Variants in DAPK2 observed in about 807,000 individuals in gnomAD.
The protein encoded by DAPK2 is death-associated protein kinase 2.
DAPK2 carries 35 observed loss-of-function variants against 44.1 expected under a neutral mutation model. The observed-to-expected ratio is 0.79, with a 90% confidence interval of 0.61 to 1.05. The LOEUF (loss-of-function observed/expected upper bound fraction) is 1.05. Ranked by LOEUF, DAPK2 falls within the 50% of genes least tolerant of loss-of-function variation. The pLI is 0.00. For synonymous variants in DAPK2, 174 were observed against 182.6 expected (o/e 0.95, Z 0.38); for missense variants, 453 against 483.2 (o/e 0.94, Z 0.59).
intron 3 of DAPK2, among the ~76,000 whole-genome samples, chr15:63,945,283 A>G (rs2077419855): frequency 6.6e-6 from 1 of 152,184 alleles, no homozygotes; most frequent in Admixed American, 6.5e-5. Flanking sequence ...AGGTGATGCC[A>G]CTTTCCTGGG....
At chr15:63,913,289 A>G (rs2078843285) in intron 8 of DAPK2, among the ~76,000 whole-genome samples, 1 of 152,242 alleles carries the variant, frequency 6.6e-6, no homozygotes, top group South Asian at 2.1e-4. Flanking sequence ...ATGTGGTTAC[A>G]CAACCTTGTG....
chr15:63,908,303 G>A lies in DAPK2; in HGVS notation c.*217C>T. ...GAAAGCCCATTTTATGGAGAATTAAGAGCTTTGGGAATGCTGGAGCCTCCT... is the reference window on the plus strand; with the variant it reads ...GAAAGCCCATTTTATGGAGAATTAAAAGCTTTGGGAATGCTGGAGCCTCCT... On this transcript the variant is annotated 3_prime_UTR_variant, in exon 11 of 11. Transcript: ENST00000261891. The surrounding 1 kb of genome is among the most constrained non-coding windows in gnomAD (Gnocchi z 5.7). 1 of 400,134 alleles carries A rather than the reference G, an allele frequency of 2.5e-6. No homozygotes were observed. The highest frequency in any genetic ancestry group is 4.4e-6 in the Non-Finnish European group (1 of 225,384). 24.8% of individuals were successfully genotyped at this position (400,134 alleles called of 1,614,324 possible).
intron 10 of DAPK2, chr15:63,910,700 C>G (rs945162712): frequency 6.6e-6 from 1 of 152,192 alleles, no homozygotes; most frequent in Non-Finnish European, 1.5e-5. Context: ...GTCACCATAC[C>G]TGGCTAATTT....
chr15:63,963,703 C>G (rs1317461917), intron 3 of DAPK2, among the ~76,000 whole-genome samples: 7 of 151,854 alleles, frequency 4.6e-5, no homozygotes, highest in Non-Finnish European at 8.8e-5. Flanking sequence ...CTTTTTATTT[C>G]TTTATATCTC....
At chr15:63,934,350 G>C (rs936979862) in intron 4 of DAPK2, among the ~76,000 whole-genome samples, 73 of 137,914 alleles carry the variant, frequency 5.3e-4, no homozygotes, top group Middle Eastern at 5.1e-3. Context: ...TCTGCCTCCT[G>C]GGTTCAAGTG....
intron 4 of DAPK2, chr15:63,932,466 C>CAAAAAA (rs61026642): frequency 9.5e-4 from 65 of 68,158 alleles, no homozygotes; most frequent in African/African-American, 3.2e-3. Flanking sequence ...AACTCCGTCT[C>CAAAAAA]AAAAAAAAAA....
chr15:63,964,847 T>C (rs2078010281), intron 3 of DAPK2, among the ~76,000 whole-genome samples: 1 of 152,216 alleles, frequency 6.6e-6, no homozygotes, highest in Admixed American at 6.5e-5. Context: ...CTGAATTCCT[T>C]CTCTGTGTTA....
At chr15:64,045,987 G>A (rs1327904931) in intron 1 of DAPK2, among the ~76,000 whole-genome samples, 1 of 152,224 alleles carries the variant, frequency 6.6e-6, no homozygotes, top group Admixed American at 6.5e-5. Context: ...GTTCCAGGGG[G>A]CCTAACTCGA....
intron 1 of DAPK2, among the ~76,000 whole-genome samples, chr15:64,024,154 G>A (rs893920908): frequency 3.9e-5 from 6 of 152,178 alleles, no homozygotes; most frequent in Non-Finnish European, 7.4e-5. Flanking sequence ...CCTTCTCTGT[G>A]CAGCAATTCC....
intron 3 of DAPK2, among the ~76,000 whole-genome samples, chr15:63,957,229 G>A (rs2077749454): frequency 6.6e-6 from 1 of 152,120 alleles, no homozygotes; most frequent in African/African-American, 2.4e-5. Flanking sequence ...TGTAAATATA[G>A]CTACTCCTGC....
rs187516809 is a variant in DAPK2, at chr15:63,993,579, T to A, written c.93-9825A>T. 2.0e-4 allele frequency among the ~76,000 whole-genome samples: 31 copies of A among 152,152 alleles called. 1 individual carries two copies. Among genetic ancestry groups the A allele is most frequent in the Middle Eastern group, 3.4e-3 (1 of 294 alleles). On this transcript the variant is annotated intron_variant, in intron 1 of 10. Transcript: ENST00000261891. ...TCTGTTTCTCAAAATGTTTGTGAAT[T>A]TTTAATCCCATGTTTATTTCTTCAC...
intron 2 of DAPK2, among the ~76,000 whole-genome samples, chr15:63,979,721 T>G (rs889584818): frequency 6.6e-6 from 1 of 151,998 alleles, no homozygotes; most frequent in Non-Finnish European, 1.5e-5. Flanking sequence ...AAGACCAGTC[T>G]GGCCAACAGA....
intron 3 of DAPK2, among the ~76,000 whole-genome samples, chr15:63,964,252 A>C (rs2077990070): frequency 6.6e-6 from 1 of 152,138 alleles, no homozygotes; most frequent in Non-Finnish European, 1.5e-5. Context: ...TTTCCTCAGC[A>C]CTTTAAATAT....
intron 1 of DAPK2, among the ~76,000 whole-genome samples, chr15:64,037,878 G>A (rs2080251577): frequency 1.3e-5 from 2 of 152,068 alleles, no homozygotes; most frequent in African/African-American, 2.4e-5. Flanking sequence ...CTAGTCCCTG[G>A]GCCTCCCCTG....
chr15:63,924,885 T>C, intron 7 of DAPK2, 24 bp from the exon 9 acceptor site: 1 of 1,613,464 alleles, frequency 6.2e-7, no homozygotes, highest in South Asian at 1.1e-5. Context: ...TGGGAAACAG[T>C]GATGATCCAT....
chr15:63,979,540 C>T (rs1477910112), intron 2 of DAPK2, among the ~76,000 whole-genome samples: 5 of 152,216 alleles, frequency 3.3e-5, no homozygotes. Flanking sequence ...GGCAAACCCA[C>T]TAACCTATTA....
intron 1 of DAPK2, among the ~76,000 whole-genome samples, chr15:64,004,856 C>T (rs533144818): frequency 6.6e-6 from 1 of 152,354 alleles, no homozygotes; most frequent in East Asian, 1.9e-4. Context: ...AGGTTGTTCT[C>T]TGACCTTACA....
At chr15:64,012,325 C>T (rs1047662991) in intron 1 of DAPK2, among the ~76,000 whole-genome samples, 2 of 152,190 alleles carry the variant, frequency 1.3e-5, no homozygotes, top group African/African-American at 4.8e-5. Context: ...TGTGATAAAT[C>T]GATGCACTAA....
intron 1 of DAPK2, among the ~76,000 whole-genome samples, chr15:64,023,199 T>C (rs1370268232): frequency 6.6e-6 from 1 of 152,138 alleles, no homozygotes; most frequent in Non-Finnish European, 1.5e-5. Context: ...CAACATGCTG[T>C]GGGAACACAG....
Sources: gnomAD v4.1 joint callset for allele counts (sites outside exome capture counted in the v4.1 genomes callset) on GRCh38, gnomAD v4.1.1 for gene constraint, Gnocchi (gnomAD v3.1) non-coding constraint, MANE v1.5 for transcripts, NCBI Gene and HGNC (gene_info 2026-07-23, HGNC 2026-07-21) for gene names.